PRKCA: variants seen among roughly 807,000 people sequenced by gnomAD.
PRKCA encodes the protein protein kinase C alpha type.
Under a neutral mutation model 87.0 loss-of-function variants are expected in PRKCA, and 27 were observed. The observed-to-expected ratio is 0.31, with a 90% confidence interval of 0.23 to 0.43. The LOEUF is 0.43. Among genes scored for constraint, PRKCA ranks in the 20% least tolerant of loss-of-function variants. PRKCA has a pLI of 1.00. For synonymous variants in PRKCA, 329 were observed against 311.1 expected (o/e 1.06, Z -0.61); for missense variants, 518 against 852.3 (o/e 0.61, Z 4.88).
intron 2 of PRKCA, among the ~76,000 whole-genome samples, chr17:66,458,965 G>C (rs1335238516): frequency 3.3e-5 from 5 of 152,256 alleles, no homozygotes; most frequent in Non-Finnish European, 1.5e-5. Flanking sequence ...TTACAGATGG[G>C]AACGTAGAGG....
At chr17:66,751,012 C>A (rs1974415212) in intron 13 of PRKCA, among the ~76,000 whole-genome samples, 1 of 152,178 alleles carries the variant, frequency 6.6e-6, no homozygotes, top group African/African-American at 2.4e-5. Context: ...TCAGATAATG[C>A]TCTGTTAGAT....
chr17:66,780,626 A>C (rs1056570819), intron 14 of PRKCA, among the ~76,000 whole-genome samples: 1 of 152,016 alleles, frequency 6.6e-6, no homozygotes, highest in South Asian at 2.1e-4. Context: ...GCAGTGAGCC[A>C]TGATCGCACC....
chr17:66,379,292 T>A (rs1909655262), intron 2 of PRKCA, among the ~76,000 whole-genome samples: 1 of 152,234 alleles, frequency 6.6e-6, no homozygotes, highest in South Asian at 2.1e-4. Context: ...AGAGTTCATG[T>A]TTCTCCACAT....
chr17:66,467,620 C>G (rs981064712), intron 2 of PRKCA, among the ~76,000 whole-genome samples: 2 of 152,178 alleles, frequency 1.3e-5, no homozygotes, highest in Admixed American at 6.5e-5. Flanking sequence ...TGCAGTGGCA[C>G]CATCTTGGCT....
intron 3 of PRKCA, among the ~76,000 whole-genome samples, chr17:66,626,731 T>G (rs1343050038): frequency 6.6e-6 from 1 of 152,166 alleles, no homozygotes; most frequent in Non-Finnish European, 1.5e-5. Context: ...GGTCTCAAAC[T>G]CCTGGATTCA....
At chr17:66,775,638 G>C (rs1345037761) in intron 14 of PRKCA, 1 of 985,322 alleles carries the variant, frequency 1.0e-6, no homozygotes, top group Non-Finnish European at 1.2e-6. Flanking sequence ...CAGAGACAAT[G>C]GAAAGAGATG....
At chr17:66,595,479 T>TTTTTTTTTTTG (rs1969946464) in intron 3 of PRKCA, among the ~76,000 whole-genome samples, 1 of 139,046 alleles carries the variant, frequency 7.2e-6, no homozygotes. Flanking sequence ...TTTTTTTTTT[T>TTTTTTTTTTTG]GAGACAGTCT....
At chr17:66,331,886 C>T (rs2143286785) in intron 2 of PRKCA, among the ~76,000 whole-genome samples, 1 of 152,326 alleles carries the variant, frequency 6.6e-6, no homozygotes, top group East Asian at 1.9e-4. Flanking sequence ...TTGGTAAATG[C>T]ATTGCTGTAG....
chr17:66,765,424 A>ATCTATATATCTATATATCTATATATC lies in PRKCA; in HGVS notation c.1525-8562_1525-8561insCTATATATCTATATATCTATATATCT, dbSNP rs1568020889. Among the ~76,000 whole-genome samples the ATCTATATATCTATATATCTATATATC allele has an allele frequency of 8.5e-3, 1,043 of 122,638 alleles. 36 individuals are homozygous for ATCTATATATCTATATATCTATATATC. Among genetic ancestry groups the ATCTATATATCTATATATCTATATATC allele is most frequent in the African/African-American group, 0.025 (749 of 30,484 alleles). The allele number at this position is 122,638 out of a possible 152,430, so 80.5% of individuals were successfully genotyped here. A position where few individuals can be genotyped will look rare whatever the true frequency, so the allele number is the denominator to read the frequency against. ...CGACAGAGCAAGACTTTGTCTATATATATATATATATATATATATATATAT... is the reference window on the plus strand; with the variant it reads ...CGACAGAGCAAGACTTTGTCTATATATCTATATATCTATATATCTATATATCTATATATATATATATATATATATAT... On this transcript the variant is annotated intron_variant, in intron 13 of 16. Transcript: ENST00000413366.
chr17:66,702,751 A>G (rs1005385626), intron 8 of PRKCA, among the ~76,000 whole-genome samples: 14 of 152,178 alleles, frequency 9.2e-5, no homozygotes, highest in Admixed American at 9.2e-4. Context: ...ATGTATCACT[A>G]AGAGATTTCA....
At chr17:66,551,755 A>G (rs867879387) in intron 3 of PRKCA, among the ~76,000 whole-genome samples, 5 of 152,276 alleles carry the variant, frequency 3.3e-5, no homozygotes, top group African/African-American at 1.2e-4. Flanking sequence ...TGAAGCAAAC[A>G]TATTTATGAG....
At chr17:66,387,080 G>A (rs1230213889) in intron 2 of PRKCA, among the ~76,000 whole-genome samples, 1 of 152,178 alleles carries the variant, frequency 6.6e-6, no homozygotes, top group Admixed American at 6.5e-5. Context: ...ATTTGCATAT[G>A]GGCAGGTACA....
chr17:66,757,468 G>A (rs765430605), intron 13 of PRKCA, among the ~76,000 whole-genome samples: 5 of 150,788 alleles, frequency 3.3e-5, no homozygotes, highest in Admixed American at 6.6e-5. Flanking sequence ...TATTCAAACT[G>A]CAGAAAATCA....
intron 2 of PRKCA, among the ~76,000 whole-genome samples, chr17:66,429,305 T>G (rs1200242716): frequency 6.6e-6 from 1 of 152,212 alleles, no homozygotes; most frequent in Admixed American, 6.5e-5. Context: ...CAACTTAGCT[T>G]TAATATCGTT....
intron 2 of PRKCA, among the ~76,000 whole-genome samples, chr17:66,428,091 C>T (rs1203241432): frequency 6.6e-6 from 1 of 152,096 alleles, no homozygotes; most frequent in Non-Finnish European, 1.5e-5. Context: ...ATTTTTTTCT[C>T]ATCGTAAATG....
intron 2 of PRKCA, among the ~76,000 whole-genome samples, chr17:66,486,639 C>A (rs1017903202): frequency 2.0e-5 from 3 of 152,128 alleles, no homozygotes; most frequent in African/African-American, 7.2e-5. Flanking sequence ...ACTCGCCTTG[C>A]AGTTCTCCCT....
chr17:66,704,951 A>G (rs1328119063), intron 8 of PRKCA, among the ~76,000 whole-genome samples: 8 of 152,138 alleles, frequency 5.3e-5, no homozygotes, highest in African/African-American at 1.7e-4. Context: ...CAGTTGGGGG[A>G]AAAATAAAAC....
chr17:66,549,125 T>G (rs1274240390), intron 3 of PRKCA, among the ~76,000 whole-genome samples: 2 of 149,488 alleles, frequency 1.3e-5, no homozygotes, highest in Non-Finnish European at 3.0e-5. Flanking sequence ...AATTTTAAGC[T>G]ACCAAGTTTA....
chr17:66,649,205 A>G (rs1416543252), intron 5 of PRKCA, among the ~76,000 whole-genome samples: 1 of 152,232 alleles, frequency 6.6e-6, no homozygotes, highest in African/African-American at 2.4e-5. Flanking sequence ...TTTCAGTATA[A>G]AAGGACCACA....
Sources: gnomAD v4.1 joint callset for allele counts (sites outside exome capture counted in the v4.1 genomes callset) on GRCh38, gnomAD v4.1.1 for gene constraint, MANE v1.5 for transcripts, NCBI Gene and HGNC (gene_info 2026-07-23, HGNC 2026-07-21) for gene names.